Variants in KDM1A observed in about 807,000 individuals in gnomAD.
KDM1A encodes lysine-specific histone demethylase 1A.
KDM1A carries 49 observed loss-of-function variants against 109.4 expected under a neutral mutation model. The ratio of observed to expected loss-of-function variants is 0.45; its 90% CI spans 0.36 to 0.57. The LOEUF is 0.57. Ranked by LOEUF, KDM1A falls within the 20% of genes least tolerant of loss-of-function variation. The pLI is 0.00. For missense variants in KDM1A, 668 were observed against 1,116.6 expected, an observed-to-expected ratio of 0.60 and a Z score of 5.73; for synonymous variants, 380 against 415.4, an observed-to-expected ratio of 0.91 and a Z score of 1.04.
chr1:23,066,674 T>C (rs985139260), intron 10 of KDM1A, among the ~76,000 whole-genome samples: 1 of 152,184 alleles, frequency 6.6e-6, no homozygotes, highest in Non-Finnish European at 1.5e-5. Flanking sequence ...CATAGAAATA[T>C]CACTTTTATA....
intron 18 of KDM1A, among the ~76,000 whole-genome samples, chr1:23,080,265 C>T (rs1376098583): frequency 6.6e-6 from 1 of 152,090 alleles, no homozygotes; most frequent in Non-Finnish European, 1.5e-5. Flanking sequence ...TCTTTCACAC[C>T]CCAGAGCCTC....
chr1:23,029,304 TAATA>T (rs1194824985), intron 1 of KDM1A, among the ~76,000 whole-genome samples: 1 of 152,250 alleles, frequency 6.6e-6, no homozygotes, highest in South Asian at 2.1e-4. Context: ...TTTCCACATC[TAATA>T]AATTATCTTT....
chr1:23,081,398 AG>A (rs774727205), intron 18 of KDM1A, 47 bp from the exon 19 acceptor site: 4 of 1,604,340 alleles, frequency 2.5e-6, no homozygotes, highest in Admixed American at 1.7e-5. Context: ...GAAGTTTTTG[AG>A]GAAAGTCTGT....
At chr1:23,071,473 A>G (rs769768334) in intron 13 of KDM1A, 114 bp downstream of exon 13, 13 of 973,890 alleles carry the variant, frequency 1.3e-5, no homozygotes, top group African/African-American at 3.3e-5. Context: ...CTTCAGTGCA[A>G]TGAAGACGAT....
chr1:23,078,062 T>TG (rs1172348817), intron 16 of KDM1A, among the ~76,000 whole-genome samples: 5 of 152,220 alleles, frequency 3.3e-5, no homozygotes, highest in African/African-American at 1.2e-4. Context: ...TGAGAACCCA[T>TG]GTATGACTAT....
Position 23,071,249 on chromosome 1 carries a change from A to G in KDM1A, c.1438A>G (p.Lys480Glu). The change falls in exon 13 of 21, where the codon AAA (lysine) becomes GAA (glutamate). Residue 480 changes from lysine to glutamate, a missense_variant. Lys to Glu is a moderately conservative substitution (Grantham distance 56). Transcript: ENST00000400181. ...NKMVNLKEKIKELHQQYKEAS... is the reference protein window; with the variant it reads ...NKMVNLKEKIEELHQQYKEAS... Reference sequence around the variant, plus strand: ...GATGGTAAATTTGAAAGAGAAAATTAAAGAACTCCATCAGCAATACAAAGA... The same window carrying G: ...GATGGTAAATTTGAAAGAGAAAATTGAAGAACTCCATCAGCAATACAAAGA... The G allele has an allele frequency of 6.3e-7, 1 of 1,598,704 alleles. No homozygotes were observed. The highest frequency in any genetic ancestry group is 8.5e-7 in the Non-Finnish European group (1 of 1,174,868).
chr1:23,052,855 T>A (rs1340649190), intron 4 of KDM1A, among the ~76,000 whole-genome samples: 6 of 152,214 alleles, frequency 3.9e-5, no homozygotes, highest in Non-Finnish European at 7.3e-5. Context: ...TATTTTTTCC[T>A]CTAGGAACCC....
intron 2 of KDM1A, among the ~76,000 whole-genome samples, chr1:23,036,444 G>GCCCCCCCC (rs5773033): frequency 4.9e-5 from 6 of 121,704 alleles, no homozygotes; most frequent in African/African-American, 1.2e-4. Context: ...TTCTTGCCAC[G>GCCCCCCCC]CCCCCCCCCT....
chr1:23,056,556 T>A (rs1361076469), intron 7 of KDM1A, among the ~76,000 whole-genome samples: 1 of 152,084 alleles, frequency 6.6e-6, no homozygotes, highest in Non-Finnish European at 1.5e-5. Flanking sequence ...TCAAGCTATT[T>A]TCATGAATAA....
At chr1:23,068,753 T>C (rs1307973624) in intron 11 of KDM1A, 72 bp downstream of exon 11, 13 of 1,304,910 alleles carry the variant, frequency 1.0e-5, no homozygotes, top group Non-Finnish European at 9.2e-6. Flanking sequence ...GTTTTAAGTT[T>C]TTCTGCAAGT....
At chr1:23,069,380 TTGTC>T (rs769035920) in intron 12 of KDM1A, among the ~76,000 whole-genome samples, 5 of 152,178 alleles carry the variant, frequency 3.3e-5, no homozygotes, top group Non-Finnish European at 7.3e-5. Context: ...TCTTTCCTCT[TTGTC>T]TGGTTCCCTT....
intron 4 of KDM1A, among the ~76,000 whole-genome samples, chr1:23,050,835 A>G (rs568433483): frequency 1.3e-5 from 2 of 152,308 alleles, no homozygotes; most frequent in South Asian, 4.1e-4. Context: ...CTGTAATCCC[A>G]GCACTTAGGG....
At position 23,079,124 on chromosome 1, in the gene KDM1A, CCT is replaced by C; in HGVS notation, c.2003_2004del (p.Pro668ArgfsTer16). ...PPAVQFVPPL[P>X]EWKTSAVQRM... ...AGCCGTTCAGTTTGTGCCACCTCTC[CCT>C]GAGTGGAAAACATCTGCAGTCCAAA... On this transcript the variant is annotated frameshift_variant, in exon 17 of 21. Transcript: ENST00000400181. LOFTEE classifies it high-confidence loss of function. The surrounding 1 kb of genome is among the most constrained non-coding windows in gnomAD (Gnocchi z 5.6). 1 of 1,614,170 alleles carries C rather than the reference CCT, an allele frequency of 6.2e-7. No individual in the cohort carries two copies. The highest frequency in any genetic ancestry group is 8.5e-7 in the Non-Finnish European group (1 of 1,180,018).
At chr1:23,075,595 T>TA (rs1643441868) in intron 15 of KDM1A, among the ~76,000 whole-genome samples, 1 of 149,658 alleles carries the variant, frequency 6.7e-6, no homozygotes, top group Non-Finnish European at 1.5e-5. Flanking sequence ...TGTATAGAAG[T>TA]AAATTATTAA....
chr1:23,031,052 TTAGA>T (rs1641966896), intron 2 of KDM1A, among the ~76,000 whole-genome samples: 1 of 152,266 alleles, frequency 6.6e-6, no homozygotes, highest in African/African-American at 2.4e-5. Flanking sequence ...TACCACGTAG[TTAGA>T]TACTTTCTGA....
intron 4 of KDM1A, among the ~76,000 whole-genome samples, chr1:23,053,287 T>C (rs1557549481): frequency 6.6e-6 from 1 of 152,254 alleles, no homozygotes; most frequent in African/African-American, 2.4e-5. Flanking sequence ...GATATGGCTT[T>C]GTGTTCATCA....
intron 2 of KDM1A, among the ~76,000 whole-genome samples, chr1:23,031,236 T>C (rs1287800462): frequency 1.3e-5 from 2 of 152,200 alleles, no homozygotes; most frequent in Non-Finnish European, 2.9e-5. Flanking sequence ...CAATGCTGAG[T>C]ACTAGCTTTC....
At position 23,022,059 on chromosome 1, in the gene KDM1A, A is replaced by C. The variant is rs925578567; in HGVS notation, c.351+2112A>C. Among the ~76,000 whole-genome samples the C allele has an allele frequency of 1.2e-4, 18 of 152,310 alleles. No individual in the cohort carries two copies. The East Asian group carries it at 2.3e-3, about 20-fold the overall frequency. On this transcript the variant is annotated intron_variant, in intron 1 of 20. Coordinates refer to ENST00000400181, the MANE Select transcript of KDM1A (RefSeq NM_001009999.3). ...TGTATGGATATACCAAATTTGGTTT[A>C]CCCATTCATCATTTGACGCACATTG...
In KDM1A at chr1:23,076,582, T is replaced by G. The variant is rs369926240; in HGVS notation, c.1735-646T>G. ...AATAAACTTGAATGATGTTTAATCA[T>G]CTGAATTTCCTGAATCATCATTCCC... is the stretch of plus-strand genomic sequence containing the variant. On this transcript the variant is annotated intron_variant, in intron 15 of 20. Coordinates refer to ENST00000400181, the MANE Select transcript of KDM1A (RefSeq NM_001009999.3). Among the ~76,000 whole-genome samples, 32 of 149,928 alleles carry G rather than the reference T, an allele frequency of 2.1e-4. No homozygotes were observed. The East Asian group carries it at 5.7e-3, about 26-fold the overall frequency.
Sources: gnomAD v4.1 joint callset for allele counts (sites outside exome capture counted in the v4.1 genomes callset) on GRCh38, gnomAD v4.1.1 for gene constraint, Gnocchi (gnomAD v3.1) non-coding constraint, MANE v1.5 for transcripts, NCBI Gene and HGNC (gene_info 2026-07-23, HGNC 2026-07-21) for gene names.